The following XRN1 variants were observed in gnomAD, a reference collection of about 807,000 sequenced individuals.
XRN1 encodes strand-exchange protein 1 homolog.
In XRN1, 67 loss-of-function variants were observed where a neutral mutation model predicts 222.3. The ratio of observed to expected loss-of-function variants is 0.30; its 90% CI spans 0.25 to 0.37. The LOEUF (loss-of-function observed/expected upper bound fraction) is 0.37, where lower values mean the gene tolerates loss of function less well. XRN1 is among the 10% of genes least tolerant of loss of function. The pLI is 1.00. For missense variants in XRN1, 1,707 were observed against 2,000.2 expected (o/e 0.85, Z 2.80); for synonymous variants, 643 against 652.4 (o/e 0.99, Z 0.22).
intron 20 of XRN1, among the ~76,000 whole-genome samples, chr3:142,394,078 T>C (rs2067838099): frequency 6.6e-6 from 1 of 152,122 alleles, no homozygotes; most frequent in Non-Finnish European, 1.5e-5. Flanking sequence ...CTGCCCATCT[T>C]GGCCTCCCAA....
At chr3:142,445,073 T>A (rs1435587491) in intron 1 of XRN1, among the ~76,000 whole-genome samples, 1 of 152,238 alleles carries the variant, frequency 6.6e-6, no homozygotes, top group African/African-American at 2.4e-5. Context: ...ATCTTTCTTA[T>A]CGTTACTTTT....
chr3:142,403,650 A>G (rs1436370353), intron 18 of XRN1, 24 bp downstream of exon 18: 12 of 1,598,334 alleles, frequency 7.5e-6, no homozygotes, highest in Non-Finnish European at 1.0e-5. Flanking sequence ...CATCTAATAA[A>G]TGAATGATAA....
chr3:142,391,724 A>G (rs2067720243), intron 20 of XRN1, among the ~76,000 whole-genome samples: 1 of 129,686 alleles, frequency 7.7e-6, no homozygotes, highest in Non-Finnish European at 1.6e-5. Context: ...ACATAGTAAG[A>G]CCCCGTCTCA....
At chr3:142,438,848 T>C (rs1271660556) in intron 1 of XRN1, among the ~76,000 whole-genome samples, 1 of 152,142 alleles carries the variant, frequency 6.6e-6, no homozygotes, top group Non-Finnish European at 1.5e-5. Flanking sequence ...CTCGCAATTA[T>C]GTAAAAAGTG....
chr3:142,426,199 A>T (rs2069239383), intron 3 of XRN1, among the ~76,000 whole-genome samples: 1 of 152,208 alleles, frequency 6.6e-6, no homozygotes, highest in African/African-American at 2.4e-5. Flanking sequence ...CAAAGTAAAG[A>T]ATTATATGAT....
At position 142,380,219 on chromosome 3, in the gene XRN1, T is replaced by A. The variant is rs73238168; in HGVS notation, c.2617-39A>T. On this transcript the variant is annotated intron_variant, in intron 22 of 40. Coordinates refer to ENST00000392981, the MANE Select transcript of XRN1 (RefSeq NM_001282857.2). ...AAAATCACAGTATAGTCTCTTTCAG[T>A]ACATTTTATTTTTTAACTTATTTGA... 5,045 of 1,512,074 alleles carry A rather than the reference T, an allele frequency of 3.3e-3. 19 individuals are homozygous for A. Among genetic ancestry groups the A allele is most frequent in the Non-Finnish European group, 4.0e-3 (4,357 of 1,099,320 alleles). 93.7% of individuals were successfully genotyped at this position (1,512,074 alleles called of 1,614,324 possible).
intron 30 of XRN1, among the ~76,000 whole-genome samples, chr3:142,359,411 T>C (rs2066556875): frequency 6.6e-6 from 1 of 152,198 alleles, no homozygotes; most frequent in Non-Finnish European, 1.5e-5. Context: ...TCAAAGGACA[T>C]TTCTATTCCT....
intron 27 of XRN1, among the ~76,000 whole-genome samples, chr3:142,367,275 G>A (rs1247725442): frequency 6.6e-6 from 1 of 151,288 alleles, no homozygotes; most frequent in African/African-American, 2.4e-5. Flanking sequence ...CAACAAGACT[G>A]AAACTCCGTC....
chr3:142,426,677 A>G, intron 3 of XRN1, 67 bp downstream of exon 3: 1 of 1,444,026 alleles, frequency 6.9e-7, no homozygotes. Context: ...AAAATAAAAT[A>G]CATTTAAAAA....
At chr3:142,379,964 G>T (rs764851747) in intron 23 of XRN1, 118 bp downstream of exon 23, 38 of 762,132 alleles carry the variant, frequency 5.0e-5, no homozygotes, top group Non-Finnish European at 7.4e-5. Flanking sequence ...CTGGGAGAGA[G>T]AATCTAATCA....
chr3:142,400,447 G>C lies in XRN1; in HGVS notation c.2204C>G (p.Thr735Ser). 6.3e-7 allele frequency: 1 copy of C among 1,595,900 alleles called. No homozygotes were observed. The highest frequency in any genetic ancestry group is 8.5e-7 in the Non-Finnish European group (1 of 1,170,832). The change falls in exon 19 of 41, where the codon ACT (threonine) becomes AGT (serine). Residue 735 changes from threonine (T) to serine (S), a missense_variant. Around this residue, in one of 2 missense-constraint regions of XRN1, gnomAD observed 1,234 missense variants for 1,518.2 expected, o/e 0.81. Coordinates refer to ENST00000392981, the MANE Select transcript of XRN1 (RefSeq NM_001282857.2). ...ARVVAVSDGE[T>S]KFYLEEPPGT... ...TTATAAATCAAATCTTACTTACTTA[G>C]TTTCTCCATCTGATACAGCCACGAC...
Position 142,422,719 on chromosome 3 carries a change from C to G in XRN1, c.830G>C (p.Arg277Thr), listed in dbSNP as rs956242493. 1.2e-6 allele frequency: 2 copies of G among 1,611,434 alleles called. No individual in the cohort carries two copies. The highest frequency in any genetic ancestry group is 1.7e-5 in the Admixed American group (1 of 59,618). ...CATCAAAATCCAATCATCTATTATC[C>G]TTTCAATATCATATTTAAATGTGAT... ...EKITFKYDIE[R>T]IIDDWILMGF... Residue 277 changes from arginine (R) to threonine (T), a missense_variant, in exon 8 of 41, where the codon AGG (arginine) becomes ACG (threonine). Arg to Thr is a moderately conservative substitution (Grantham distance 71, BLOSUM62 -1). This residue lies in a region of XRN1 where 1,234 missense variants were observed against 1,518.2 expected (regional missense o/e 0.81). Coordinates refer to ENST00000392981, the MANE Select transcript of XRN1 (RefSeq NM_001282857.2).
At chr3:142,412,443 C>G in intron 15 of XRN1, 101 bp downstream of exon 15, 1 of 1,356,036 alleles carries the variant, frequency 7.4e-7, no homozygotes, top group Non-Finnish European at 9.6e-7. Flanking sequence ...ATCTCATTAA[C>G]AAAACATAAA....
intron 19 of XRN1, among the ~76,000 whole-genome samples, chr3:142,397,867 A>T (rs1322869636): frequency 6.6e-6 from 1 of 152,244 alleles, no homozygotes; most frequent in Admixed American, 6.5e-5. Flanking sequence ...TTGAGGTAAC[A>T]GATAATTTGA....
intron 25 of XRN1, among the ~76,000 whole-genome samples, chr3:142,374,644 G>A (rs939818072): frequency 1.3e-5 from 2 of 152,124 alleles, no homozygotes; most frequent in African/African-American, 2.4e-5. Flanking sequence ...TGAAGCTCAG[G>A]ATAGGAAAGC....
At chr3:142,314,391 T>G (rs1465978811) in intron 39 of XRN1, among the ~76,000 whole-genome samples, 1 of 152,154 alleles carries the variant, frequency 6.6e-6, no homozygotes, top group African/African-American at 2.4e-5. Flanking sequence ...TCTTAAAAAA[T>G]ATATGATCAT....
At chr3:142,341,742 A>G (rs919571119) in intron 33 of XRN1, among the ~76,000 whole-genome samples, 3 of 152,200 alleles carry the variant, frequency 2.0e-5, no homozygotes, top group African/African-American at 7.2e-5. Flanking sequence ...TCCAATGTCA[A>G]TGGAAACCAA....
rs751870329 is a variant in XRN1 at position 142,410,487 on chromosome 3, G to GTTTTTTT, written c.1713+2050_1713+2056dup. Reference sequence around the variant, plus strand: ...TATACGCTGTCAGATTCTATCTCATGTTTTTTTTTTTTTTTTTTTTTTTTT... The same window carrying GTTTTTTT: ...TATACGCTGTCAGATTCTATCTCATGTTTTTTTTTTTTTTTTTTTTTTTTTTTTTTTT... On this transcript the variant is annotated intron_variant, in intron 15 of 40. Coordinates refer to ENST00000392981, the MANE Select transcript of XRN1 (RefSeq NM_001282857.2). Among the ~76,000 whole-genome samples, 98 of 68,078 alleles carry GTTTTTTT rather than the reference G, an allele frequency of 1.4e-3. 7 individuals are homozygous for GTTTTTTT. The highest frequency in any genetic ancestry group is 2.5e-3 in the South Asian group (4 of 1,612). 44.7% of individuals were successfully genotyped at this position (68,078 alleles called of 152,430 possible). A position where few individuals can be genotyped will look rare whatever the true frequency, so the allele number is the denominator to read the frequency against.
chr3:142,382,697 A>C (rs1245345901), intron 22 of XRN1, among the ~76,000 whole-genome samples: 1 of 152,138 alleles, frequency 6.6e-6, no homozygotes, highest in African/African-American at 2.4e-5. Flanking sequence ...TGGGTGGTAC[A>C]TGTGCTCATT....
Sources: gnomAD v4.1 joint callset for allele counts (sites outside exome capture counted in the v4.1 genomes callset) on GRCh38, gnomAD v4.1.1 for gene constraint, gnomAD v4.1.1 regional missense constraint, MANE v1.5 for transcripts, NCBI Gene and HGNC (gene_info 2026-07-23, HGNC 2026-07-21) for gene names.